Variants in FLNB observed in about 807,000 individuals in gnomAD.
The protein encoded by FLNB is filamin B, also known as filamin-B.
In FLNB, 111 loss-of-function variants were observed where a neutral mutation model predicts 250.6. The observed-to-expected ratio is 0.44, with a 90% CI of 0.38 to 0.52. The LOEUF (loss-of-function observed/expected upper bound fraction) is 0.52, where lower values mean the gene tolerates loss of function less well. FLNB is among the 20% of genes least tolerant of loss of function. The pLI is 0.00. For synonymous variants in FLNB, 1,302 were observed against 1,372.1 expected (o/e 0.95, Z 1.13); for missense variants, 2,869 against 3,447.8 (o/e 0.83, Z 4.20).
chr3:58,043,781 T>G (rs544716494), intron 1 of FLNB, among the ~76,000 whole-genome samples: 1 of 152,296 alleles, frequency 6.6e-6, no homozygotes, highest in Non-Finnish European at 1.5e-5. Flanking sequence ...TTGAATTATG[T>G]GCCCAGCTCT....
intron 1 of FLNB, among the ~76,000 whole-genome samples, chr3:58,074,636 T>C (rs1269271653): frequency 1.3e-5 from 2 of 152,224 alleles, no homozygotes; most frequent in Admixed American, 6.5e-5. Context: ...CTGTTTCCTA[T>C]ATTTAGGGGG....
chr3:58,037,807 C>T (rs1470486491), intron 1 of FLNB, among the ~76,000 whole-genome samples: 1 of 152,052 alleles, frequency 6.6e-6, no homozygotes, highest in African/African-American at 2.4e-5. Context: ...CTTTATACTA[C>T]TTTACTCGTA....
chr3:58,169,398 C>T lies in FLNB; in HGVS notation c.7418-192C>T. ...CATCCATTTGCCCAGAAAGCCAGAT[C>T]CTAGTTGTATGGGGGTGGGATCCTA... On this transcript the variant is annotated intron_variant, in intron 44 of 45. Transcript: ENST00000295956. This position sits in a 1 kb window ranked among gnomAD's most constrained non-coding sequence, Gnocchi z 4.8. 1.6e-6 allele frequency: 1 copy of T among 625,388 alleles called. No individual in the cohort carries two copies. The allele number at this position is 625,388 out of a possible 1,614,324, so 38.7% of individuals were successfully genotyped here. A position where few individuals can be genotyped will look rare whatever the true frequency, so the allele number is the denominator to read the frequency against.
At chr3:58,009,637 C>G (rs1212967302) in intron 1 of FLNB, among the ~76,000 whole-genome samples, 2 of 152,204 alleles carry the variant, frequency 1.3e-5, no homozygotes, top group East Asian at 3.9e-4. Context: ...ATCCTGCCAT[C>G]TGGGGTGAGG....
At chr3:58,015,366 A>G (rs1321228867) in intron 1 of FLNB, among the ~76,000 whole-genome samples, 1 of 152,200 alleles carries the variant, frequency 6.6e-6, no homozygotes, top group Non-Finnish European at 1.5e-5. Context: ...TGGCCAGTCC[A>G]GATATTTTTG....
chr3:58,091,213 A>T (rs2097226699), intron 4 of FLNB, among the ~76,000 whole-genome samples: 1 of 152,238 alleles, frequency 6.6e-6, no homozygotes, highest in Admixed American at 6.5e-5. Flanking sequence ...AACCTATATG[A>T]AAAGGCAAAG....
intron 3 of FLNB, among the ~76,000 whole-genome samples, chr3:58,079,519 G>A (rs2097206217): frequency 6.6e-6 from 1 of 152,174 alleles, no homozygotes; most frequent in Non-Finnish European, 1.5e-5. Context: ...CCAAAGTGCT[G>A]GGATTACAGG....
At chr3:58,162,147 A>G (rs1167674966) in intron 42 of FLNB, among the ~76,000 whole-genome samples, 1 of 152,196 alleles carries the variant, frequency 6.6e-6, no homozygotes, top group Non-Finnish European at 1.5e-5. Flanking sequence ...CGTAGGGTGC[A>G]CAGCTTCATG....
In FLNB at chr3:58,125,585, C is replaced by T. The variant is rs545155939; in HGVS notation, c.3903C>T (p.Leu1301=). Residue 1301 remains leucine (L), a synonymous_variant, in exon 23 of 46, where the codon CTC becomes CTT. Coordinates refer to ENST00000295956, the MANE Select transcript of FLNB (RefSeq NM_001457.4). ...TCTGTTTGTTGTTTTGAGCAGGTCT[C>T]CATGTAGTGGAGGTGACATATGATG... is the stretch of plus-strand genomic sequence containing the variant. The part of the protein sequence containing the change: ...QVEYTPFEKG[L]HVVEVTYDDV... 2 of 1,614,172 alleles carry T rather than the reference C, an allele frequency of 1.2e-6. No homozygotes were observed. Among genetic ancestry groups the T allele is most frequent in the Non-Finnish European group, 1.7e-6 (2 of 1,180,018 alleles).
chr3:58,048,673 G>C (rs917189222), intron 1 of FLNB, among the ~76,000 whole-genome samples: 1 of 152,158 alleles, frequency 6.6e-6, no homozygotes, highest in African/African-American at 2.4e-5. Context: ...ATTGTAATTG[G>C]TAAGTAATCT....
chr3:58,169,837 G>T lies in FLNB; in HGVS notation c.7621+44G>T. 1 of 1,518,184 alleles carries T rather than the reference G, an allele frequency of 6.6e-7. No individual in the cohort carries two copies. The highest frequency in any genetic ancestry group is 1.1e-5 in the South Asian group (1 of 87,890). 94.0% of individuals were successfully genotyped at this position (1,518,184 alleles called of 1,614,324 possible). ...TCAAGGGTGGGGTGGGGCAGGGGCA[G>T]GCTGGGCACCCTGGGTACACTGGCC... is the stretch of plus-strand genomic sequence containing the variant. On this transcript the variant is annotated intron_variant, in intron 45 of 45. Transcript: ENST00000295956. The surrounding 1 kb of genome is among the most constrained non-coding windows in gnomAD (Gnocchi z 4.8).
Position 58,169,830 on chromosome 3 carries a change from A to AT in FLNB, c.7621+37_7621+38insT. 1.5e-6 allele frequency: 1 copy of AT among 672,048 alleles called. No individual in the cohort carries two copies. Among genetic ancestry groups the AT allele is most frequent in the Non-Finnish European group, 2.7e-6 (1 of 370,016 alleles). The allele number at this position is 672,048 out of a possible 1,614,324, so 41.6% of individuals were successfully genotyped here. ...GGCCTTTTCAAGGGTGGGGTGGGGC[A>AT]GGGGCAGGCTGGGCACCCTGGGTAC... is the stretch of plus-strand genomic sequence containing the variant. On this transcript the variant is annotated intron_variant, in intron 45 of 45. Transcript: ENST00000295956. The surrounding 1 kb of genome is among the most constrained non-coding windows in gnomAD (Gnocchi z 4.8).
chr3:58,020,841 G>A (rs1033777740), intron 1 of FLNB, among the ~76,000 whole-genome samples: 3 of 151,868 alleles, frequency 2.0e-5, no homozygotes, highest in East Asian at 1.9e-4. Context: ...TAAATTTGCC[G>A]CAAGCCCATA....
chr3:58,138,440 A>T lies in FLNB; in HGVS notation c.5020A>T (p.Ile1674Phe). The part of the protein sequence containing the change: ...VIENEDGTYD[I>F]FYTAAKPGTY... ...TGAGAATGAAGATGGAACCTATGAC[A>T]TCTTCTACACAGCTGCCAAGCCGGG... Residue 1674 changes from isoleucine (I) to phenylalanine (F), a missense_variant, in exon 29 of 46, where the codon ATC becomes TTC. Ile to Phe is a conservative substitution (Grantham distance 21). Around this residue, in one of 5 missense-constraint regions of FLNB, gnomAD observed 1,084 missense variants for 1,315.5 expected, o/e 0.82. Transcript: ENST00000295956. The T allele has an allele frequency of 6.2e-7, 1 of 1,614,170 alleles. No homozygotes were observed.
chr3:58,038,157 G>C (rs1559650324), intron 1 of FLNB, among the ~76,000 whole-genome samples: 1 of 151,778 alleles, frequency 6.6e-6, no homozygotes, highest in East Asian at 1.9e-4. Flanking sequence ...AGCCTCCCGA[G>C]TAGCTGGGAT....
chr3:58,129,225 G>A (rs1191238644), intron 24 of FLNB, among the ~76,000 whole-genome samples: 5 of 152,150 alleles, frequency 3.3e-5, no homozygotes, highest in African/African-American at 9.7e-5. Context: ...GGTTGGTGGC[G>A]GCTCCCTAGA....
At chr3:58,146,080 C>T (rs1201803280) in intron 33 of FLNB, 31 bp downstream of exon 33, 2 of 1,613,716 alleles carry the variant, frequency 1.2e-6, no homozygotes, top group East Asian at 2.2e-5. Context: ...TTATACGCCT[C>T]CAGCTGTCCA....
In FLNB at chr3:58,088,038, CTTT is replaced by C. The variant is rs56009116; in HGVS notation, c.787+6282_787+6284del. Among the ~76,000 whole-genome samples the C allele has an allele frequency of 6.0e-3, 508 of 84,492 alleles. 2 individuals carry two copies. Among genetic ancestry groups the C allele is most frequent in the African/African-American group, 0.021 (427 of 20,508 alleles). 55.4% of individuals were successfully genotyped at this position (84,492 alleles called of 152,430 possible). A position where few individuals can be genotyped will look rare whatever the true frequency, so the allele number is the denominator to read the frequency against. ...ACAGGTGTGAACCACGGCGCCCAGC[CTTT>C]TTTTTTTTTTTTTTTTTTTGCTGAA... On this transcript the variant is annotated intron_variant, in intron 4 of 45. Transcript: ENST00000295956.
Position 58,142,807 on chromosome 3 carries a change from A to G in FLNB, c.5284+55A>G, listed in dbSNP as rs2097329278. 6.7e-7 allele frequency: 1 copy of G among 1,488,456 alleles called. No homozygotes were observed. The highest frequency in any genetic ancestry group is 1.4e-5 in the African/African-American group (1 of 72,334). 92.2% of individuals were successfully genotyped at this position (1,488,456 alleles called of 1,614,324 possible). A position where few individuals can be genotyped will look rare whatever the true frequency, so the allele number is the denominator to read the frequency against. On this transcript the variant is annotated intron_variant, in intron 31 of 45. Coordinates refer to ENST00000295956, the MANE Select transcript of FLNB (RefSeq NM_001457.4). The surrounding 1 kb of genome is among the most constrained non-coding windows in gnomAD (Gnocchi z 4.3). ...TCTCACTTGCTCTCACGAGCTTCCC[A>G]GAATGGTGCTGGGGAGGTGTGTCCA...
Sources: allele counts gnomAD v4.1 joint callset (sites outside exome capture counted in the v4.1 genomes callset), GRCh38; gene constraint gnomAD v4.1.1; regional missense constraint gnomAD v4.1.1; non-coding constraint Gnocchi (gnomAD v3.1); transcripts MANE v1.5; gene names NCBI Gene and HGNC (gene_info 2026-07-23, HGNC 2026-07-21).